TENM4: variants seen among roughly 807,000 people sequenced by gnomAD.
TENM4 encodes the protein teneurin-4.
A neutral mutation model predicts 243.3 loss-of-function variants in TENM4; 82 were observed. The ratio of observed to expected loss-of-function variants is 0.34; its 90% confidence interval spans 0.28 to 0.40. TENM4 has a LOEUF of 0.40. Ranked by LOEUF, TENM4 falls within the 10% of genes least tolerant of loss-of-function variation. The pLI, the probability that TENM4 is intolerant of heterozygous loss-of-function variation, is 1.00. For missense variants in TENM4, 3,138 were observed against 3,673.3 expected, an observed-to-expected ratio of 0.85 and a Z score of 3.77; for synonymous variants, 1,412 against 1,456.3, an observed-to-expected ratio of 0.97 and a Z score of 0.69.
intron 4 of TENM4, among the ~76,000 whole-genome samples, chr11:79,118,783 A>T (rs1348954987): frequency 6.6e-6 from 1 of 152,168 alleles, no homozygotes; most frequent in Non-Finnish European, 1.5e-5. Flanking sequence ...TATATGCTAC[A>T]TCTTATTGAT....
At chr11:79,129,094 AC>A (rs1334757897) in intron 4 of TENM4, among the ~76,000 whole-genome samples, 1 of 152,074 alleles carries the variant, frequency 6.6e-6, no homozygotes, top group Non-Finnish European at 1.5e-5. Flanking sequence ...CTGAACACAT[AC>A]CCCCACTGGA....
chr11:78,803,853 G>C (rs1857334286), intron 15 of TENM4, among the ~76,000 whole-genome samples: 1 of 152,182 alleles, frequency 6.6e-6, no homozygotes, highest in Non-Finnish European at 1.5e-5. Flanking sequence ...GCTATAAACA[G>C]AGCTATATAA....
At chr11:79,183,210 G>A (rs763345346) in intron 3 of TENM4, among the ~76,000 whole-genome samples, 6 of 152,132 alleles carry the variant, frequency 3.9e-5, no homozygotes, top group Non-Finnish European at 7.4e-5. Flanking sequence ...TCCAGACAAT[G>A]GAATATTATT....
At chr11:78,716,113 A>G (rs1373410337) in intron 25 of TENM4, among the ~76,000 whole-genome samples, 1 of 152,134 alleles carries the variant, frequency 6.6e-6, no homozygotes, top group African/African-American at 2.4e-5. Flanking sequence ...AAGTGACTTG[A>G]CTGGGACCAC....
chr11:79,005,435 AG>A (rs919851874), intron 6 of TENM4, among the ~76,000 whole-genome samples: 3 of 152,126 alleles, frequency 2.0e-5, no homozygotes, highest in Non-Finnish European at 2.9e-5. Flanking sequence ...CTGGAATGCA[AG>A]GTTTGTTCAA....
At chr11:78,722,496 G>A (rs1855412319) in intron 24 of TENM4, among the ~76,000 whole-genome samples, 172 bp downstream of exon 24, 1 of 152,156 alleles carries the variant, frequency 6.6e-6, no homozygotes, top group Non-Finnish European at 1.5e-5. Context: ...CTTCACTGTA[G>A]TGCACTGGGG....
At chr11:78,665,186 T>C (rs1279658081) in intron 32 of TENM4, among the ~76,000 whole-genome samples, 3 of 151,420 alleles carry the variant, frequency 2.0e-5, no homozygotes, top group Admixed American at 6.6e-5. Flanking sequence ...TTTTCTTTTC[T>C]TTTTCTCTCT....
chr11:78,985,463 A>G (rs1011851405), intron 6 of TENM4, among the ~76,000 whole-genome samples: 2 of 152,212 alleles, frequency 1.3e-5, no homozygotes, highest in African/African-American at 4.8e-5. Flanking sequence ...TTAAATCCTT[A>G]CTGACCTGAT....
chr11:79,410,894 T>C (rs1291218818), intron 1 of TENM4, among the ~76,000 whole-genome samples: 1 of 152,150 alleles, frequency 6.6e-6, no homozygotes, highest in Non-Finnish European at 1.5e-5. Flanking sequence ...TTTGAGAACC[T>C]TTCTCCATGT....
At chr11:78,960,420 C>T (rs1857294389) in intron 6 of TENM4, among the ~76,000 whole-genome samples, 1 of 152,164 alleles carries the variant, frequency 6.6e-6, no homozygotes, top group South Asian at 2.1e-4. Flanking sequence ...AATGACCGCC[C>T]TTCATTGTCA....
chr11:78,802,637 G>A (rs1037622906), intron 15 of TENM4, among the ~76,000 whole-genome samples: 13 of 152,306 alleles, frequency 8.5e-5, no homozygotes, highest in Admixed American at 3.9e-4. Flanking sequence ...TGCAAGTCAC[G>A]GCCACTCCTC....
In TENM4 at chr11:79,252,529, G is replaced by A. The variant is rs534669537; in HGVS notation, c.-264-36620C>T. Among the ~76,000 whole-genome samples the A allele has an allele frequency of 3.3e-5, 5 of 152,280 alleles. No homozygotes were observed. The South Asian group carries it at 6.2e-4, about 19-fold the overall frequency. ...TGGGATTACAGGCGTGAGCCACTGC[G>A]CCTGGCTGAAGCAGTTCTACTCTCT... is the stretch of plus-strand genomic sequence containing the variant. On this transcript the variant is annotated intron_variant, in intron 2 of 33. Transcript: ENST00000278550.
At position 78,676,434 on chromosome 11, in the gene TENM4, A is replaced by G. The variant is rs777261116; in HGVS notation, c.5261-47T>C. The G allele has an allele frequency of 1.3e-5, 20 of 1,509,384 alleles. No individual in the cohort carries two copies. In the African/African-American group the frequency reaches 2.6e-4, roughly 20 times the overall value. 93.5% of individuals were successfully genotyped at this position (1,509,384 alleles called of 1,614,324 possible). ...GACTGCTCAGAAGGAACGAAGGTGG[A>G]GGGAGGTGTGAGGACAGCAGAGGCG... On this transcript the variant is annotated intron_variant, in intron 29 of 33. Transcript: ENST00000278550.
intron 28 of TENM4, among the ~76,000 whole-genome samples, chr11:78,701,278 T>G (rs752263310): frequency 6.6e-6 from 1 of 152,162 alleles, no homozygotes; most frequent in African/African-American, 2.4e-5. Flanking sequence ...CTGAGGCCAA[T>G]AGGGATTAAG....
intron 2 of TENM4, among the ~76,000 whole-genome samples, chr11:79,262,685 C>A (rs1474865887): frequency 6.6e-6 from 1 of 152,188 alleles, no homozygotes; most frequent in Non-Finnish European, 1.5e-5. Flanking sequence ...CTTGGAGAAG[C>A]AGCTTGGTGT....
chr11:79,203,514 C>CT (rs1863789185), intron 3 of TENM4, among the ~76,000 whole-genome samples: 1 of 152,112 alleles, frequency 6.6e-6, no homozygotes, highest in South Asian at 2.1e-4. Context: ...ATATACTATG[C>CT]TTTTTTCTAT....
intron 6 of TENM4, among the ~76,000 whole-genome samples, chr11:79,015,477 A>AGTGTGTGTGT (rs113872101): frequency 0.023 from 3,423 of 147,204 alleles, 75 homozygotes; most frequent in African/African-American, 0.05. Context: ...AAAGTCATTT[A>AGTGTGTGTGT]GTGTGTGTGT....
chr11:78,816,515 G>A (rs1045758691), intron 12 of TENM4, among the ~76,000 whole-genome samples: 1 of 152,224 alleles, frequency 6.6e-6, no homozygotes, highest in Non-Finnish European at 1.5e-5. Context: ...AGGCAGCAAA[G>A]GATCTATTTG....
intron 6 of TENM4, among the ~76,000 whole-genome samples, chr11:79,002,244 C>A (rs1591197412): frequency 6.6e-6 from 1 of 152,224 alleles, no homozygotes; most frequent in South Asian, 2.1e-4. Flanking sequence ...TCACTCCTGC[C>A]AGTGCAAATG....
Sources: allele counts gnomAD v4.1 joint callset (sites outside exome capture counted in the v4.1 genomes callset), GRCh38; gene constraint gnomAD v4.1.1; transcripts MANE v1.5; gene names NCBI Gene and HGNC (gene_info 2026-07-23, HGNC 2026-07-21).